Variants in GDPD5 observed in about 807,000 individuals in gnomAD.
GDPD5 encodes the protein glycerophosphodiester phosphodiesterase domain containing 5, also known as glycerophosphodiester phosphodiesterase 2.
GDPD5 carries 48 observed loss-of-function variants against 75.1 expected under a neutral mutation model. That is an observed-to-expected ratio of 0.64 (90% CI 0.51 to 0.81). GDPD5 has a LOEUF of 0.81. Among genes scored for constraint, GDPD5 ranks in the 40% least tolerant of loss-of-function variants. The pLI is 0.00. For synonymous variants in GDPD5, 336 were observed against 339.0 expected, an observed-to-expected ratio of 0.99 and a Z score of 0.10; for missense variants, 706 against 822.6, an observed-to-expected ratio of 0.86 and a Z score of 1.73.
intron 6 of GDPD5, chr11:75,455,259 C>T (rs1949259895): frequency 4.4e-6 from 2 of 454,374 alleles, no homozygotes; most frequent in African/African-American, 2.0e-5. Context: ...CCAGCCCCAC[C>T]CGGGGTGCCA....
chr11:75,513,730 G>T (rs1423242720), intron 1 of GDPD5, among the ~76,000 whole-genome samples: 4 of 152,154 alleles, frequency 2.6e-5, no homozygotes, highest in Non-Finnish European at 5.9e-5. Context: ...CCAGGGAAAG[G>T]GACCCAGCAA....
intron 7 of GDPD5, 48 bp from the exon 8 acceptor site, chr11:75,449,658 C>T: frequency 1.3e-6 from 2 of 1,536,250 alleles, no homozygotes; most frequent in Non-Finnish European, 1.8e-6. Context: ...CAGCTCTGCC[C>T]AGACCCTGTG....
intron 1 of GDPD5, among the ~76,000 whole-genome samples, chr11:75,498,751 T>C (rs1168045949): frequency 1.3e-5 from 2 of 152,220 alleles, no homozygotes; most frequent in East Asian, 3.8e-4. Flanking sequence ...TGCCCCTTGC[T>C]GACCACACAG....
chr11:75,443,065 T>C, intron 11 of GDPD5, 71 bp downstream of exon 11: 1 of 1,532,244 alleles, frequency 6.5e-7, no homozygotes, highest in Non-Finnish European at 8.9e-7. Flanking sequence ...TGGCCACCCT[T>C]GCACCTCTCA....
chr11:75,517,787 C>T lies in GDPD5; in HGVS notation c.-145+7423G>A, dbSNP rs562983371. Among the ~76,000 whole-genome samples the T allele has an allele frequency of 3.0e-4, 46 of 151,366 alleles. No homozygotes were observed. In the East Asian group the frequency reaches 7.8e-3, roughly 26 times the overall value. On this transcript the variant is annotated intron_variant, in intron 1 of 16. Coordinates refer to ENST00000336898, the MANE Select transcript of GDPD5 (RefSeq NM_030792.8). ...TTTGCACAGAGGCCTCCAATGTTCC[C>T]TGGACACCCTCCCCTAGATTAAAAA...
intron 6 of GDPD5, chr11:75,455,478 C>A (rs2135257794): frequency 4.8e-6 from 2 of 414,898 alleles, no homozygotes; most frequent in East Asian, 6.9e-5. Context: ...AACAAACCGG[C>A]CTCGGTGCCT....
At chr11:75,486,415 A>G (rs1950022718) in intron 2 of GDPD5, among the ~76,000 whole-genome samples, 1 of 152,164 alleles carries the variant, frequency 6.6e-6, no homozygotes, top group African/African-American at 2.4e-5. Flanking sequence ...AAGGGCCTCC[A>G]CCATCTTTGA....
At chr11:75,484,785 C>T (rs868371223) in intron 2 of GDPD5, among the ~76,000 whole-genome samples, 16 of 152,120 alleles carry the variant, frequency 1.1e-4, no homozygotes, top group South Asian at 4.1e-4. Context: ...GTGAGTACTA[C>T]CAGCCACAAT....
chr11:75,507,925 T>A (rs1458074179), intron 1 of GDPD5, among the ~76,000 whole-genome samples: 3 of 149,868 alleles, frequency 2.0e-5, no homozygotes, highest in African/African-American at 7.3e-5. Context: ...TGGGCCATCA[T>A]CCCCCAACAC....
chr11:75,452,041 CTG>C (rs1949172361), intron 6 of GDPD5: 1 of 152,254 alleles, frequency 6.6e-6, no homozygotes, highest in Admixed American at 6.5e-5. Context: ...CTTCATGGGA[CTG>C]TGGCTTGTGA....
chr11:75,472,063 G>GT lies in GDPD5; in HGVS notation c.117+5555dup, dbSNP rs796463180. 4.6e-4 allele frequency among the ~76,000 whole-genome samples: 70 copies of GT among 152,280 alleles called. 1 individual carries two copies. Among genetic ancestry groups the GT allele is most frequent in the African/African-American group, 1.5e-3 (64 of 41,566 alleles). ...CTTTGAAAGTTTGTAGGGAGGGCAC[G>GT]TTTTCTGCAGGGTTGGAACAATGGT... On this transcript the variant is annotated intron_variant, in intron 3 of 16. Coordinates refer to ENST00000336898, the MANE Select transcript of GDPD5 (RefSeq NM_030792.8).
chr11:75,456,458 C>T (rs1565191951), intron 6 of GDPD5: 4 of 440,756 alleles, frequency 9.1e-6, no homozygotes, highest in Non-Finnish European at 1.2e-5. Context: ...CCTGGATCTT[C>T]CATGTTTAAA....
At chr11:75,438,059 GGACA>G (rs1231936543) in intron 15 of GDPD5, 2 of 152,504 alleles carry the variant, frequency 1.3e-5, no homozygotes, top group Non-Finnish European at 2.9e-5. Context: ...CAGCAGAAGT[GGACA>G]GACAGATGGA....
chr11:75,519,744 CG>C (rs1950716648), intron 1 of GDPD5, among the ~76,000 whole-genome samples: 1 of 152,186 alleles, frequency 6.6e-6, no homozygotes, highest in African/African-American at 2.4e-5. Context: ...CTGATGGGAC[CG>C]GCCCCTGCCT....
chr11:75,523,811 C>A (rs551425165), intron 1 of GDPD5, among the ~76,000 whole-genome samples: 33 of 152,346 alleles, frequency 2.2e-4, no homozygotes, highest in African/African-American at 7.0e-4. Flanking sequence ...CTTTTGGGAT[C>A]CCCTAACCCT....
chr11:75,466,078 G>A (rs973037097), intron 3 of GDPD5, among the ~76,000 whole-genome samples: 3 of 152,226 alleles, frequency 2.0e-5, no homozygotes, highest in African/African-American at 7.2e-5. Context: ...CCACTCCTGG[G>A]AACCAGCCAA....
In GDPD5 at chr11:75,477,752, C is replaced by T; in HGVS notation, c.-17G>A. On this transcript the variant is annotated 5_prime_UTR_variant, in exon 3 of 17. Coordinates refer to ENST00000336898, the MANE Select transcript of GDPD5 (RefSeq NM_030792.8). The stretch of plus-strand genomic sequence containing the variant: ...TCTCACCATACTCGTGCCCACGGCC[C>T]TGGCGCCTGGCCCTCAGGCGCCCAT... 1.3e-6 allele frequency: 2 copies of T among 1,529,830 alleles called. No individual in the cohort carries two copies. Among genetic ancestry groups the T allele is most frequent in the Non-Finnish European group, 1.8e-6 (2 of 1,126,548 alleles). The allele number at this position is 1,529,830 out of a possible 1,614,324, so 94.8% of individuals were successfully genotyped here. A position where few individuals can be genotyped will look rare whatever the true frequency, so the allele number is the denominator to read the frequency against.
intron 1 of GDPD5, among the ~76,000 whole-genome samples, chr11:75,522,235 T>C (rs1184183633): frequency 6.6e-6 from 1 of 152,160 alleles, no homozygotes; most frequent in African/African-American, 2.4e-5. Context: ...CCTTGAGAAG[T>C]GGACATCACA....
chr11:75,435,286 A>T lies in GDPD5; in HGVS notation c.*221T>A. 1 of 474,046 alleles carries T rather than the reference A, an allele frequency of 2.1e-6. No individual in the cohort carries two copies. The highest frequency in any genetic ancestry group is 3.4e-5 in the Admixed American group (1 of 29,490). 29.4% of individuals were successfully genotyped at this position (474,046 alleles called of 1,614,324 possible). A position where few individuals can be genotyped will look rare whatever the true frequency, so the allele number is the denominator to read the frequency against. On this transcript the variant is annotated 3_prime_UTR_variant, in exon 17 of 17. Transcript: ENST00000336898. ...CCCCATACTTCCCAGAAGGAGCCCC[A>T]GGCCTGCAGGGGCATCTGAAAGGAT...
Sources: gnomAD v4.1 joint callset for allele counts (sites outside exome capture counted in the v4.1 genomes callset) on GRCh38, gnomAD v4.1.1 for gene constraint, MANE v1.5 for transcripts, NCBI Gene and HGNC (gene_info 2026-07-23, HGNC 2026-07-21) for gene names.